The following AMZ2 variants were observed in gnomAD, a reference collection of about 807,000 sequenced individuals.
AMZ2 encodes the protein archaelysin family metallopeptidase 2.
A neutral mutation model predicts 36.7 loss-of-function variants in AMZ2; 26 were observed. That is an observed-to-expected ratio of 0.71 (90% CI 0.52 to 0.98). AMZ2 has a LOEUF of 0.98. Among genes scored for constraint, AMZ2 ranks in the 50% least tolerant of loss-of-function variants. The probability of loss-of-function intolerance (pLI) is 0.00; values close to 1 mark genes in which losing one functional copy is unlikely to be tolerated. For missense variants in AMZ2, 394 were observed against 430.5 expected (o/e 0.92, Z 0.75); for synonymous variants, 144 against 149.1 (o/e 0.97, Z 0.25).
At chr17:68,247,952 C>G (rs529792440), upstream of AMZ2, 2 of 984,528 alleles carry the variant, frequency 2.0e-6, no homozygotes, top group South Asian at 4.7e-5. Flanking sequence ...ATGGGTGGGT[C>G]GTGAGTTGGG....
chr17:68,229,640 G>A (rs2073610376), intron 1 of AMZ2, among the ~76,000 whole-genome samples: 1 of 152,226 alleles, frequency 6.6e-6, no homozygotes, highest in Admixed American at 6.5e-5. Context: ...ACTGGGTGCT[G>A]TTCCCTGTCT....
intron 4 of AMZ2, among the ~76,000 whole-genome samples, chr17:68,253,003 G>A (rs1835323984): frequency 6.6e-6 from 1 of 152,176 alleles, no homozygotes; most frequent in South Asian, 2.1e-4. Flanking sequence ...AGCAGGATTA[G>A]ACAGTGACAA....
chr17:68,211,147 T>C (rs184121059), intron 1 of AMZ2, among the ~76,000 whole-genome samples: 17 of 151,854 alleles, frequency 1.1e-4, no homozygotes, highest in African/African-American at 3.9e-4. Flanking sequence ...TGCCAGGAAA[T>C]GGGAGGGGAA....
At position 68,235,111 on chromosome 17, in the gene AMZ2, C is replaced by T. The variant is rs1269879865; in HGVS notation, c.-66-13529C>T. ...GAGTGAAACCACTCATAGTGACTCA[C>T]ATCAACAGGCCCTTTTGTCAGCGGG... On this transcript the variant is annotated intron_variant, in intron 1 of 7. Transcript: ENST00000674770. This position sits in a 1 kb window ranked among gnomAD's most constrained non-coding sequence, Gnocchi z 4.2. Among the ~76,000 whole-genome samples the T allele has an allele frequency of 1.3e-5, 2 of 152,222 alleles. No individual in the cohort carries two copies. Among genetic ancestry groups the T allele is most frequent in the Admixed American group, 6.5e-5 (1 of 15,286 alleles).
At chr17:68,223,837 T>A (rs2073432323) in intron 1 of AMZ2, among the ~76,000 whole-genome samples, 1 of 151,790 alleles carries the variant, frequency 6.6e-6, no homozygotes, top group Admixed American at 6.6e-5. Context: ...TGCCTTGGCC[T>A]CCTGAGTAGC....
At position 68,235,648 on chromosome 17, in the gene AMZ2, G is replaced by A. The variant is rs1362520234; in HGVS notation, c.-66-12992G>A. ...CTGACTGGGCAGCCCAGAGAGAACA[G>A]TGACCCAGAAAAGCAAGAGGAGAGT... On this transcript the variant is annotated intron_variant, in intron 1 of 7. Transcript: ENST00000674770. The surrounding 1 kb of genome is among the most constrained non-coding windows in gnomAD (Gnocchi z 4.2). 6.6e-6 allele frequency among the ~76,000 whole-genome samples: 1 copy of A among 152,170 alleles called. No homozygotes were observed. The highest frequency in any genetic ancestry group is 1.5e-5 in the Non-Finnish European group (1 of 68,028).
At chr17:68,222,133 C>A (rs3888626) in intron 1 of AMZ2, among the ~76,000 whole-genome samples, 49,686 of 152,122 alleles carry the variant, frequency 0.33, 8,642 homozygotes, top group African/African-American at 0.45. Context: ...AGGGTGAAAC[C>A]CAGCAGGCTC....
At chr17:68,209,630 ATATT>A (rs1386828045) in intron 1 of AMZ2, among the ~76,000 whole-genome samples, 5 of 98,482 alleles carry the variant, frequency 5.1e-5, no homozygotes, top group African/African-American at 2.4e-4. Flanking sequence ...ATATATATAT[ATATT>A]TTTTTTTTTT....
intron 1 of AMZ2, among the ~76,000 whole-genome samples, chr17:68,224,306 T>C (rs1555729323): frequency 6.6e-6 from 1 of 152,186 alleles, no homozygotes; most frequent in Non-Finnish European, 1.5e-5. Flanking sequence ...CTTTAAGGAA[T>C]GAGAGTAGGG....
intron 1 of AMZ2, among the ~76,000 whole-genome samples, chr17:68,240,821 T>C (rs772308077): frequency 2.6e-5 from 4 of 152,210 alleles, no homozygotes; most frequent in Non-Finnish European, 4.4e-5. Flanking sequence ...CTGTTTATAA[T>C]ACTGAGGGGA....
upstream of AMZ2, among the ~76,000 whole-genome samples, chr17:68,245,893 G>GT (rs1555735178): frequency 3.2e-4 from 49 of 152,270 alleles, no homozygotes; most frequent in Non-Finnish European, 7.1e-4. Flanking sequence ...GGCAGGATGA[G>GT]GCTATAGAAG....
At position 68,235,366 on chromosome 17, in the gene AMZ2, C is replaced by T. The variant is rs1555732257; in HGVS notation, c.-66-13274C>T. Among the ~76,000 whole-genome samples, 1 of 151,930 alleles carries T rather than the reference C, an allele frequency of 6.6e-6. No homozygotes were observed. Among genetic ancestry groups the T allele is most frequent in the African/African-American group, 2.4e-5 (1 of 41,406 alleles). On this transcript the variant is annotated intron_variant, in intron 1 of 7. Coordinates refer to the AMZ2 transcript ENST00000674770. The surrounding 1 kb of genome is among the most constrained non-coding windows in gnomAD (Gnocchi z 4.2). ...TTAATTCTCTCATTAAGCCTGTGGG[C>T]CAGAGGTTCTTATTGTTCATACCCC...
At chr17:68,254,078 A>G (rs192974564) in intron 4 of AMZ2, among the ~76,000 whole-genome samples, 7 of 152,214 alleles carry the variant, frequency 4.6e-5, no homozygotes, top group African/African-American at 1.4e-4. Flanking sequence ...CTTTTTGAGT[A>G]CTTGATTTGG....
intron 1 of AMZ2, among the ~76,000 whole-genome samples, chr17:68,229,668 C>G (rs1362735006): frequency 1.3e-5 from 2 of 152,182 alleles, no homozygotes; most frequent in Non-Finnish European, 2.9e-5. Context: ...ATCACCTTTA[C>G]CTAGACATTG....
At chr17:68,208,413 G>C (rs1555724917) in intron 1 of AMZ2, among the ~76,000 whole-genome samples, 1 of 152,184 alleles carries the variant, frequency 6.6e-6, no homozygotes, top group Non-Finnish European at 1.5e-5. Flanking sequence ...GTTTGTGAAT[G>C]CACCAATCGA....
chr17:68,219,475 T>G (rs1428656374), intron 1 of AMZ2, among the ~76,000 whole-genome samples: 2 of 152,198 alleles, frequency 1.3e-5, no homozygotes, highest in African/African-American at 4.8e-5. Context: ...TGAGTACTTA[T>G]CCCATGTTAC....
Position 68,248,344 on chromosome 17 carries a change from C to T in AMZ2, c.-362C>T, listed in dbSNP as rs2074168525. The T allele has an allele frequency of 4.1e-6, 4 of 986,104 alleles. No homozygotes were observed. The highest frequency in any genetic ancestry group is 4.8e-6 in the Non-Finnish European group (4 of 830,148). The allele number at this position is 986,104 out of a possible 1,614,324, so 61.1% of individuals were successfully genotyped here. A position where few individuals can be genotyped will look rare whatever the true frequency, so the allele number is the denominator to read the frequency against. On this transcript the variant is annotated 5_prime_UTR_variant, in exon 1 of 7. Coordinates refer to ENST00000359904, the MANE Select transcript of AMZ2 (RefSeq NM_016627.5). Reference sequence around the variant, plus strand: ...AGCGAGAGTCCCTGGGGAACCCCCACTCCACTCCCAGCTGGAGACTGGGTT... The same window carrying T: ...AGCGAGAGTCCCTGGGGAACCCCCATTCCACTCCCAGCTGGAGACTGGGTT...
rs532232176 is a variant in AMZ2 at position 68,215,534 on chromosome 17, A to C, written c.-67+9296A>C. On this transcript the variant is annotated intron_variant, in intron 1 of 7. Coordinates refer to the AMZ2 transcript ENST00000674770. ...GAGCCACTGTACTCCAGCCTGGGTG[A>C]TGGAGTGAGACTCTGTCTGTCTCCA... Among the ~76,000 whole-genome samples the C allele has an allele frequency of 1.5e-4, 20 of 136,950 alleles. 2 individuals carry two copies. The highest frequency in any genetic ancestry group is 5.3e-4 in the African/African-American group (20 of 37,890). 89.8% of individuals were successfully genotyped at this position (136,950 alleles called of 152,430 possible). A position where few individuals can be genotyped will look rare whatever the true frequency, so the allele number is the denominator to read the frequency against.
At chr17:68,207,322 C>CCCCCCCA (rs1357268281) in intron 1 of AMZ2, 2 of 144,482 alleles carry the variant, frequency 1.4e-5, no homozygotes, top group South Asian at 2.4e-4. Context: ...TACCCCCCCC[C>CCCCCCCA]CACAAAGGCT....
Sources: gnomAD v4.1 joint callset for allele counts (sites outside exome capture counted in the v4.1 genomes callset) on GRCh38, gnomAD v4.1.1 for gene constraint, Gnocchi (gnomAD v3.1) non-coding constraint, MANE v1.5 for transcripts, NCBI Gene and HGNC (gene_info 2026-07-23, HGNC 2026-07-21) for gene names.